Variants in GAL3ST4 observed in about 807,000 individuals in gnomAD.
GAL3ST4 encodes the protein beta-galactose-3-O-sulfotransferase 4.
Under a neutral mutation model 31.6 loss-of-function variants are expected in GAL3ST4, and 30 were observed. That is an observed-to-expected ratio of 0.95 (90% CI 0.71 to 1.29). The LOEUF is 1.29. GAL3ST4 is among the 50% of genes most tolerant of loss of function. GAL3ST4 has a pLI of 0.00. For synonymous variants in GAL3ST4, 248 were observed against 256.9 expected (o/e 0.97, Z 0.33); for missense variants, 629 against 625.2 (o/e 1.01, Z -0.06).
At chr7:100,163,220 G>C (rs544468687) in intron 3 of GAL3ST4, among the ~76,000 whole-genome samples, 22 of 152,286 alleles carry the variant, frequency 1.4e-4, no homozygotes, top group African/African-American at 5.3e-4. Context: ...AGCCACGGCT[G>C]CCTGGTAGGA....
At position 100,160,680 on chromosome 7, in the gene GAL3ST4, G is replaced by C. The variant is rs781775601; in HGVS notation, c.709C>G (p.Pro237Ala). ...GAAGGCAAGACCTGCAGCTGTGGGGGGTTGGGGTCTCTGGGGGGATGAATA... is the reference window on the plus strand; with the variant it reads ...GAAGGCAAGACCTGCAGCTGTGGGGCGTTGGGGTCTCTGGGGGGATGAATA... ...GNIHPPRDPN[P>A]PQLQVLPSGA... The change falls in exon 4 of 4, where the codon CCC becomes GCC. Residue 237 changes from proline (P) to alanine (A), a missense_variant. Coordinates refer to ENST00000360039, the MANE Select transcript of GAL3ST4 (RefSeq NM_024637.5). The C allele has an allele frequency of 6.2e-7, 1 of 1,613,880 alleles. No homozygotes were observed. Among genetic ancestry groups the C allele is most frequent in the Admixed American group, 1.7e-5 (1 of 60,020 alleles).
rs550771073 is a variant in GAL3ST4 at position 100,159,849 on chromosome 7, T to C, written c.*79A>G. The C allele has an allele frequency of 1.2e-5, 14 of 1,193,528 alleles. No homozygotes were observed. In the East Asian group the frequency reaches 2.8e-4, roughly 24 times the overall value. 73.9% of individuals were successfully genotyped at this position (1,193,528 alleles called of 1,614,324 possible). A position where few individuals can be genotyped will look rare whatever the true frequency, so the allele number is the denominator to read the frequency against. ...TCATCCCTTCTGGGAGATGCAGAAA[T>C]GGCATCTTGCTGCCCCCCACTCATC... On this transcript the variant is annotated 3_prime_UTR_variant, in exon 4 of 4. Transcript: ENST00000360039.
chr7:100,160,199 C>T lies in GAL3ST4; in HGVS notation c.1190G>A (p.Arg397Gln), dbSNP rs1477457256. 16 of 1,614,004 alleles carry T rather than the reference C, an allele frequency of 9.9e-6. No individual in the cohort carries two copies. Among genetic ancestry groups the T allele is most frequent in the East Asian group, 2.2e-5 (1 of 44,896 alleles). Reference protein sequence around the residue: ...GRLQTAVAELRARREALAKHC... With the variant: ...GRLQTAVAELQARREALAKHC... The stretch of plus-strand genomic sequence containing the variant: ...TTTCGCTAGGGCCTCTCGGCGAGCC[C>T]GGAGCTCGGCCACAGCTGTCTGCAG... The change falls in exon 4 of 4, where the codon CGG becomes CAG. Residue 397 changes from arginine to glutamine, a missense_variant. Coordinates refer to ENST00000360039, the MANE Select transcript of GAL3ST4 (RefSeq NM_024637.5).
At position 100,168,334 on chromosome 7, in the gene GAL3ST4, T is replaced by C. The variant is rs773255327; in HGVS notation, c.-189+212A>G. Among the ~76,000 whole-genome samples the C allele has an allele frequency of 1.3e-5, 2 of 152,120 alleles. No homozygotes were observed. The highest frequency in any genetic ancestry group is 6.6e-5 in the Admixed American group (1 of 15,254). On this transcript the variant is annotated intron_variant, in intron 1 of 3. Coordinates refer to ENST00000360039, the MANE Select transcript of GAL3ST4 (RefSeq NM_024637.5). This position sits in a 1 kb window ranked among gnomAD's most constrained non-coding sequence, Gnocchi z 4.1. ...CAATTCCCTCCCTGATCACAGCCCC[T>C]GGGGTCTAGCCGCGTCTCCCCTATC...
chr7:100,162,226 G>C (rs1240464824), intron 3 of GAL3ST4, among the ~76,000 whole-genome samples: 1 of 151,962 alleles, frequency 6.6e-6, no homozygotes, highest in Non-Finnish European at 1.5e-5. Flanking sequence ...TTCAAGACAA[G>C]CCTGAGCAAC....
intron 3 of GAL3ST4, among the ~76,000 whole-genome samples, chr7:100,166,139 G>C (rs956468852): frequency 2.6e-5 from 4 of 152,196 alleles, no homozygotes; most frequent in African/African-American, 9.7e-5. Context: ...ACTCCAGCCT[G>C]GGCGACAGAG....
chr7:100,164,876 CTTTT>C (rs1176405671), intron 3 of GAL3ST4, among the ~76,000 whole-genome samples: 3 of 137,600 alleles, frequency 2.2e-5, no homozygotes, highest in Admixed American at 7.4e-5. Context: ...TCTTTCTTTC[CTTTT>C]TTTTTTTTTT....
At chr7:100,161,776 C>T (rs1173804320) in intron 3 of GAL3ST4, among the ~76,000 whole-genome samples, 4 of 152,114 alleles carry the variant, frequency 2.6e-5, no homozygotes, top group Non-Finnish European at 1.5e-5. Context: ...AGATAATGTC[C>T]TTTGCAGGTG....
At position 100,159,575 on chromosome 7, in the gene GAL3ST4, C is replaced by A; in HGVS notation, c.*353G>T. The A allele has an allele frequency of 1.1e-5, 2 of 182,456 alleles. No individual in the cohort carries two copies. The highest frequency in any genetic ancestry group is 1.5e-4 in the East Asian group (1 of 6,874). 11.3% of individuals were successfully genotyped at this position (182,456 alleles called of 1,614,324 possible). A position where few individuals can be genotyped will look rare whatever the true frequency, so the allele number is the denominator to read the frequency against. The stretch of plus-strand genomic sequence containing the variant: ...CTGTCTCTAAAAATATAAAAATTAG[C>A]CGGGTATGGTGGCACGTATCTGTAA... On this transcript the variant is annotated 3_prime_UTR_variant, in exon 4 of 4. Transcript: ENST00000360039.
rs552342246 is a variant in GAL3ST4, at chr7:100,167,357, C to T, written c.-188-74G>A. On this transcript the variant is annotated intron_variant, in intron 1 of 3. Coordinates refer to ENST00000360039, the MANE Select transcript of GAL3ST4 (RefSeq NM_024637.5). ...GAGGCAGCCTTCTCTCCTGCTGCAG[C>T]TGAGACCTCCTTCAGGGAAGGGGAG... 4.2e-5 allele frequency: 30 copies of T among 718,312 alleles called. No homozygotes were observed. The East Asian group carries it at 9.4e-4, about 22-fold the overall frequency. 44.5% of individuals were successfully genotyped at this position (718,312 alleles called of 1,614,324 possible). A position where few individuals can be genotyped will look rare whatever the true frequency, so the allele number is the denominator to read the frequency against.
chr7:100,165,303 T>C (rs1262345113), intron 3 of GAL3ST4, among the ~76,000 whole-genome samples: 1 of 152,144 alleles, frequency 6.6e-6, no homozygotes, highest in African/African-American at 2.4e-5. Flanking sequence ...CCCGAGTAGC[T>C]GGGATTACAG....
At position 100,167,242 on chromosome 7, in the gene GAL3ST4, A is replaced by C; in HGVS notation, c.-147T>G. 6.7e-7 allele frequency: 1 copy of C among 1,494,880 alleles called. No individual in the cohort carries two copies. Among genetic ancestry groups the C allele is most frequent in the Non-Finnish European group, 8.9e-7 (1 of 1,119,594 alleles). The allele number at this position is 1,494,880 out of a possible 1,614,324, so 92.6% of individuals were successfully genotyped here. A position where few individuals can be genotyped will look rare whatever the true frequency, so the allele number is the denominator to read the frequency against. ...CCAGGCCTGCTCACAGTCTTGGTTGAGTCTGCCCCCTGAGTTAGCAGATTT... is the reference window on the plus strand; with the variant it reads ...CCAGGCCTGCTCACAGTCTTGGTTGCGTCTGCCCCCTGAGTTAGCAGATTT... On this transcript the variant is annotated 5_prime_UTR_variant, in exon 2 of 4. Transcript: ENST00000360039.
intron 1 of GAL3ST4, 111 bp from the exon 2 acceptor site, chr7:100,167,394 G>A (rs1799092338): frequency 7.7e-6 from 4 of 522,562 alleles, no homozygotes; most frequent in East Asian, 3.8e-5. Context: ...GGCTGGGGAT[G>A]TTGTCTATAC....
At chr7:100,163,027 C>T (rs1480729000) in intron 3 of GAL3ST4, among the ~76,000 whole-genome samples, 1 of 152,142 alleles carries the variant, frequency 6.6e-6, no homozygotes, top group Non-Finnish European at 1.5e-5. Flanking sequence ...CTCATTTCTC[C>T]AGCAAAAACC....
rs1377797896 is a variant in GAL3ST4, at chr7:100,159,766, G to A, written c.*162C>T. On this transcript the variant is annotated 3_prime_UTR_variant, in exon 4 of 4. Coordinates refer to ENST00000360039, the MANE Select transcript of GAL3ST4 (RefSeq NM_024637.5). The stretch of plus-strand genomic sequence containing the variant: ...GAAAGAACAAAATGAGTGGAGGGTG[G>A]AGGAGGGAAGCACTGCTGGGAGCCC... The A allele has an allele frequency of 1.6e-6, 1 of 606,910 alleles. No individual in the cohort carries two copies. Among genetic ancestry groups the A allele is most frequent in the Non-Finnish European group, 2.8e-6 (1 of 353,730 alleles). The allele number at this position is 606,910 out of a possible 1,614,324, so 37.6% of individuals were successfully genotyped here. A position where few individuals can be genotyped will look rare whatever the true frequency, so the allele number is the denominator to read the frequency against.
rs1362627428 is a variant in GAL3ST4, at chr7:100,167,101, A to T, written c.-6T>A. On this transcript the variant is annotated 5_prime_UTR_variant, in exon 2 of 4. Coordinates refer to ENST00000360039, the MANE Select transcript of GAL3ST4 (RefSeq NM_024637.5). Reference sequence around the variant, plus strand: ...GCAGGAGAGAGAGGGCCCATGTGGCACAGGGAAGGGTGAGGTGACAGAGAG... The same window carrying T: ...GCAGGAGAGAGAGGGCCCATGTGGCTCAGGGAAGGGTGAGGTGACAGAGAG... The T allele has an allele frequency of 1.3e-6, 2 of 1,553,382 alleles. No individual in the cohort carries two copies. The highest frequency in any genetic ancestry group is 1.7e-6 in the Non-Finnish European group (2 of 1,147,862).
Position 100,160,544 on chromosome 7 carries a change from C to T in GAL3ST4, c.845G>A (p.Gly282Glu). The T allele has an allele frequency of 6.2e-7, 1 of 1,613,906 alleles. No individual in the cohort carries two copies. The highest frequency in any genetic ancestry group is 8.5e-7 in the Non-Finnish European group (1 of 1,180,036). The change falls in exon 4 of 4, where the codon GGG becomes GAG. Residue 282 changes from glycine to glutamate, a missense_variant. Physicochemically the swap from Gly to Glu is moderately conservative, Grantham distance 98 (BLOSUM62 -2). Transcript: ENST00000360039. ...ACCCCACTGGATGAAGGATGAAGACCCCAAATCGAAAGAGGCAGGGCTTGA... is the reference window on the plus strand; with the variant it reads ...ACCCCACTGGATGAAGGATGAAGACTCCAAATCGAAAGAGGCAGGGCTTGA... ...QISSPASFDL[G>E]SSSFIQWGLA...
In GAL3ST4 at chr7:100,161,712, A is replaced by G. The variant is rs892906592; in HGVS notation, c.430-753T>C. The stretch of plus-strand genomic sequence containing the variant: ...GGTCAATCAATGATAGACTGGATAA[A>G]TAAAATGTGGCACATATACACCATG... On this transcript the variant is annotated intron_variant, in intron 3 of 3. Transcript: ENST00000360039. Among the ~76,000 whole-genome samples, 8 of 152,334 alleles carry G rather than the reference A, an allele frequency of 5.3e-5. No individual in the cohort carries two copies. In the South Asian group the frequency reaches 1.4e-3, roughly 28 times the overall value.
chr7:100,160,426 AC>A lies in GAL3ST4; in HGVS notation c.962del (p.Gly321ValfsTer2). On this transcript the variant is annotated frameshift_variant, in exon 4 of 4. Coordinates refer to ENST00000360039, the MANE Select transcript of GAL3ST4 (RefSeq NM_024637.5). LOFTEE classifies it high-confidence loss of function. ...GCATGAAGCCCACCACGTCATCTAG[AC>A]CCCAGCACAGGGCATCTGCCAGCAG... is the stretch of plus-strand genomic sequence containing the variant. ...LVLLADALCW[G>X]LDDVVGFMHN... The A allele has an allele frequency of 6.2e-7, 1 of 1,613,936 alleles. No individual in the cohort carries two copies. Among genetic ancestry groups the A allele is most frequent in the Non-Finnish European group, 8.5e-7 (1 of 1,180,014 alleles).
Sources: gnomAD v4.1 joint callset for allele counts (sites outside exome capture counted in the v4.1 genomes callset) on GRCh38, gnomAD v4.1.1 for gene constraint, Gnocchi (gnomAD v3.1) non-coding constraint, MANE v1.5 for transcripts, NCBI Gene and HGNC (gene_info 2026-07-23, HGNC 2026-07-21) for gene names.